Variants in PCDH15 observed in about 807,000 individuals in gnomAD.
The protein encoded by PCDH15 is protocadherin-15.
In PCDH15, 129 loss-of-function variants were observed where a neutral mutation model predicts 178.5. The observed-to-expected ratio is 0.72, with a 90% confidence interval of 0.63 to 0.84. The LOEUF (loss-of-function observed/expected upper bound fraction) is 0.84. Ranked by LOEUF, PCDH15 falls within the 40% of genes least tolerant of loss-of-function variation. The pLI is 0.00. For synonymous variants in PCDH15, 800 were observed against 732.0 expected, an observed-to-expected ratio of 1.09 and a Z score of -1.50; for missense variants, 2,230 against 2,099.9, an observed-to-expected ratio of 1.06 and a Z score of -1.21.
intron 3 of PCDH15, among the ~76,000 whole-genome samples, chr10:54,851,033 G>A (rs1331595821): frequency 5.3e-5 from 8 of 152,172 alleles, no homozygotes; most frequent in South Asian, 4.1e-4. Flanking sequence ...TGTGACTAGC[G>A]TTTTAGTTTA....
rs1483506092 is a variant in PCDH15 at position 53,923,250 on chromosome 10, ATTT to A, written c.3373+15562_3373+15564del. ...TCCTCTAAACTGCTTGTCTGTAATT[ATTT>A]TTAAGATATTACATAGGGGACTAAT... On this transcript the variant is annotated intron_variant, in intron 25 of 37. Coordinates refer to ENST00000644397, the MANE Select transcript of PCDH15 (RefSeq NM_001384140.1). Among the ~76,000 whole-genome samples the A allele has an allele frequency of 3.3e-5, 5 of 152,302 alleles. 1 individual carries two copies. Among genetic ancestry groups the A allele is most frequent in the Non-Finnish European group, 7.4e-5 (5 of 68,018 alleles).
intron 8 of PCDH15, among the ~76,000 whole-genome samples, chr10:54,311,302 C>G (rs933135781): frequency 4.6e-5 from 7 of 151,836 alleles, no homozygotes; most frequent in South Asian, 2.1e-4. Flanking sequence ...ATTTTTCTGT[C>G]CAGGGATAAA....
Position 55,397,515 on chromosome 10 carries a change from T to G in PCDH15, c.-156+230110A>C, listed in dbSNP as rs143541502. Among the ~76,000 whole-genome samples, 568 of 152,320 alleles carry G rather than the reference T, an allele frequency of 3.7e-3. 4 individuals are homozygous for G. The highest frequency in any genetic ancestry group is 0.011 in the African/African-American group (472 of 41,590). On this transcript the variant is annotated intron_variant, in intron 2 of 5. Coordinates refer to the PCDH15 transcript ENST00000613346. ...TTTCATAGCAAATTCTTTAAGGGGA[T>G]AAACTAAAAGGACTATTTTATTTTA... is the stretch of plus-strand genomic sequence containing the variant.
At chr10:55,327,518 A>G (rs1844064824) in intron 2 of PCDH15, among the ~76,000 whole-genome samples, 1 of 152,118 alleles carries the variant, frequency 6.6e-6, no homozygotes, top group South Asian at 2.1e-4. Flanking sequence ...GATTAATTTC[A>G]TCACACATTA....
chr10:54,899,085 A>G (rs1954597686), intron 2 of PCDH15, among the ~76,000 whole-genome samples: 1 of 152,184 alleles, frequency 6.6e-6, no homozygotes, highest in Non-Finnish European at 1.5e-5. Flanking sequence ...CCATTTAAAA[A>G]AAGTATTATT....
intron 2 of PCDH15, among the ~76,000 whole-genome samples, chr10:55,450,397 A>T (rs1565152184): frequency 6.6e-6 from 1 of 152,212 alleles, no homozygotes; most frequent in Non-Finnish European, 1.5e-5. Flanking sequence ...GACAACAAGT[A>T]GAGCAAAGTT....
intron 2 of PCDH15, among the ~76,000 whole-genome samples, chr10:54,602,145 A>C (rs2092567115): frequency 6.6e-6 from 1 of 152,042 alleles, no homozygotes. Context: ...TTTTCTAAAA[A>C]AGAAAAATGT....
chr10:55,614,034 A>C (rs1180360173), intron 2 of PCDH15, among the ~76,000 whole-genome samples: 1 of 151,894 alleles, frequency 6.6e-6, no homozygotes, highest in Admixed American at 6.6e-5. Flanking sequence ...GAATGGCTTG[A>C]ACCGGGGAGA....
chr10:55,448,791 C>T (rs1288793582), intron 2 of PCDH15, among the ~76,000 whole-genome samples: 2 of 151,962 alleles, frequency 1.3e-5, no homozygotes, highest in Non-Finnish European at 2.9e-5. Context: ...TTGTTGTGTA[C>T]TTAGGAGAAC....
At chr10:54,663,574 C>T (rs569449426) in intron 2 of PCDH15, among the ~76,000 whole-genome samples, 1 of 150,988 alleles carries the variant, frequency 6.6e-6, no homozygotes, top group Admixed American at 6.6e-5. Flanking sequence ...TTCTAAGGAA[C>T]CTGAAAATTA....
At chr10:54,483,505 C>A (rs2078871059) in intron 3 of PCDH15, among the ~76,000 whole-genome samples, 1 of 151,692 alleles carries the variant, frequency 6.6e-6, no homozygotes, top group Non-Finnish European at 1.5e-5. Flanking sequence ...TTCTCATTCT[C>A]TTGTAATTTC....
chr10:54,022,260 TA>T (rs2092945854), intron 19 of PCDH15, among the ~76,000 whole-genome samples: 1 of 152,002 alleles, frequency 6.6e-6, no homozygotes, highest in African/African-American at 2.4e-5. Flanking sequence ...GTTAAAAACT[TA>T]AAAAAGAGGC....
At chr10:54,053,115 A>G (rs562751071) in intron 18 of PCDH15, among the ~76,000 whole-genome samples, 5 of 152,326 alleles carry the variant, frequency 3.3e-5, no homozygotes, top group African/African-American at 9.6e-5. Flanking sequence ...AGACTAGTAC[A>G]TGTAAGTATA....
intron 1 of PCDH15, among the ~76,000 whole-genome samples, chr10:54,719,325 G>T (rs1397221346): frequency 6.6e-6 from 1 of 152,088 alleles, no homozygotes; most frequent in East Asian, 1.9e-4. Context: ...TTAACAAAGA[G>T]TTTTTTTAAA....
Position 54,442,443 on chromosome 10 carries a change from TATATATATATATATATAC to T in PCDH15, c.158-63519_158-63502del, listed in dbSNP as rs1565288076. 3.8e-4 allele frequency among the ~76,000 whole-genome samples: 46 copies of T among 120,990 alleles called. 1 individual carries two copies. Among genetic ancestry groups the T allele is most frequent in the African/African-American group, 1.6e-3 (45 of 27,946 alleles). The allele number at this position is 120,990 out of a possible 152,430, so 79.4% of individuals were successfully genotyped here. A position where few individuals can be genotyped will look rare whatever the true frequency, so the allele number is the denominator to read the frequency against. On this transcript the variant is annotated intron_variant, in intron 3 of 37. Coordinates refer to ENST00000644397, the MANE Select transcript of PCDH15 (RefSeq NM_001384140.1). ...ATATATATATATATATATATATATA[TATATATATATATATATAC>T]AGTCTTTTTTATTATAATAAATACT...
intron 8 of PCDH15, among the ~76,000 whole-genome samples, chr10:54,245,467 GCTT>G (rs2055829550): frequency 6.6e-6 from 1 of 152,004 alleles, no homozygotes; most frequent in Non-Finnish European, 1.5e-5. Flanking sequence ...ACCAAATAAA[GCTT>G]TGGAAGATTG....
intron 29 of PCDH15, among the ~76,000 whole-genome samples, chr10:53,836,428 G>A (rs932163306): frequency 6.6e-6 from 1 of 152,112 alleles, no homozygotes; most frequent in Non-Finnish European, 1.5e-5. Flanking sequence ...ATCAGAGTGT[G>A]GGCAGAAACC....
At chr10:55,548,554 TA>T (rs1841939815) in intron 2 of PCDH15, among the ~76,000 whole-genome samples, 1 of 152,146 alleles carries the variant, frequency 6.6e-6, no homozygotes, top group Non-Finnish European at 1.5e-5. Context: ...AAAGGGAGAT[TA>T]CTCAGGAGGC....
chr10:54,648,541 T>A (rs1590815552), intron 2 of PCDH15, among the ~76,000 whole-genome samples: 1 of 152,268 alleles, frequency 6.6e-6, no homozygotes, highest in East Asian at 1.9e-4. Flanking sequence ...CAATTTTGTA[T>A]AAAGCTATGT....
Sources: allele counts gnomAD v4.1 joint callset (sites outside exome capture counted in the v4.1 genomes callset), GRCh38; gene constraint gnomAD v4.1.1; transcripts MANE v1.5; gene names NCBI Gene and HGNC (gene_info 2026-07-23, HGNC 2026-07-21).